Variants in DLC1 observed in about 807,000 individuals in gnomAD.
The protein encoded by DLC1 is DLC1 Rho GTPase activating protein, also known as rho GTPase-activating protein 7.
Under a neutral mutation model 140.3 loss-of-function variants are expected in DLC1, and 54 were observed. That is an observed-to-expected ratio of 0.38 (90% CI 0.31 to 0.48). The LOEUF (loss-of-function observed/expected upper bound fraction) is 0.48, where lower values mean the gene tolerates loss of function less well. DLC1 is among the 20% of genes least tolerant of loss of function. The probability of loss-of-function intolerance (pLI) is 0.96; values close to 1 mark genes in which losing one functional copy is unlikely to be tolerated. For missense variants in DLC1, 2,536 were observed against 1,907.0 expected (o/e 1.33, Z -6.14); for synonymous variants, 986 against 728.1 (o/e 1.35, Z -5.70).
chr8:13,295,979 G>C (rs1332235683), intron 5 of DLC1, among the ~76,000 whole-genome samples: 1 of 104,206 alleles, frequency 9.6e-6, no homozygotes, highest in Admixed American at 1.3e-4. Context: ...TGGAGACAGA[G>C]TCTCATTCTA....
intron 4 of DLC1, among the ~76,000 whole-genome samples, chr8:13,392,569 T>C (rs943390599): frequency 1.3e-5 from 2 of 152,182 alleles, no homozygotes; most frequent in Non-Finnish European, 2.9e-5. Context: ...TCCAAACTTG[T>C]TTCTTTGTGT....
chr8:13,421,722 C>A (rs570126492), intron 2 of DLC1, among the ~76,000 whole-genome samples: 1 of 152,216 alleles, frequency 6.6e-6, no homozygotes, highest in South Asian at 2.1e-4. Flanking sequence ...GGTTACTCAT[C>A]CTCCAATTCC....
In DLC1 at chr8:13,344,889, C is replaced by T. The variant is rs573496171; in HGVS notation, c.1315-39587G>A. Among the ~76,000 whole-genome samples, 5 of 152,218 alleles carry T rather than the reference C, an allele frequency of 3.3e-5. No homozygotes were observed. In the South Asian group the frequency reaches 6.2e-4, roughly 19 times the overall value. Reference sequence around the variant, plus strand: ...GGAAAACAAAAACTAATTGTGTGCACACTTTTAACCTAATAAGTTTAGTCA... The same window carrying T: ...GGAAAACAAAAACTAATTGTGTGCATACTTTTAACCTAATAAGTTTAGTCA... On this transcript the variant is annotated intron_variant, in intron 4 of 17. Transcript: ENST00000276297.
At chr8:13,192,643 T>C (rs1214076121) in intron 5 of DLC1, among the ~76,000 whole-genome samples, 1 of 152,188 alleles carries the variant, frequency 6.6e-6, no homozygotes, top group African/African-American at 2.4e-5. Context: ...TTTTGAAGTC[T>C]CAACTCCCAG....
At chr8:13,394,285 G>C (rs1472587650) in intron 3 of DLC1, among the ~76,000 whole-genome samples, 2 of 152,178 alleles carry the variant, frequency 1.3e-5, no homozygotes, top group East Asian at 3.8e-4. Context: ...GTTTGAAAAT[G>C]GGTATAATGA....
At chr8:13,469,668 G>C (rs974022640) in intron 2 of DLC1, among the ~76,000 whole-genome samples, 1 of 152,118 alleles carries the variant, frequency 6.6e-6, no homozygotes, top group Non-Finnish European at 1.5e-5. Flanking sequence ...TGAAGGTTAA[G>C]ATAAGCATAA....
chr8:13,335,654 G>T (rs1052853717), intron 4 of DLC1, among the ~76,000 whole-genome samples: 1 of 152,118 alleles, frequency 6.6e-6, no homozygotes, highest in African/African-American at 2.4e-5. Flanking sequence ...CATAAGAGTA[G>T]ATCTCCAAGA....
intron 5 of DLC1, among the ~76,000 whole-genome samples, chr8:13,163,493 G>A (rs112060636): frequency 1.4e-4 from 21 of 152,238 alleles, no homozygotes; most frequent in African/African-American, 5.1e-4. Context: ...ATGAATTTAG[G>A]CAGCTCAACG....
At chr8:13,380,961 C>T (rs1836226041) in intron 4 of DLC1, among the ~76,000 whole-genome samples, 1 of 152,074 alleles carries the variant, frequency 6.6e-6, no homozygotes, top group African/African-American at 2.4e-5. Context: ...CACACTTTGC[C>T]CTCTAGGGAA....
chr8:13,530,305 C>G (rs1803054161), intron 1 of DLC1, among the ~76,000 whole-genome samples: 1 of 152,096 alleles, frequency 6.6e-6, no homozygotes, highest in South Asian at 2.1e-4. Context: ...ACAGCCATTT[C>G]TTAAGGTAAA....
In DLC1 at chr8:13,499,588, T is replaced by C; in HGVS notation, c.484A>G (p.Asn162Asp). 6.2e-7 allele frequency: 1 copy of C among 1,614,194 alleles called. No individual in the cohort carries two copies. The change falls in exon 2 of 18, where the codon AAC becomes GAC. Residue 162 changes from asparagine (N) to aspartate (D), a missense_variant. By Grantham distance (23) the Asn-to-Asp change is conservative. Transcript: ENST00000276297. ...PIIQSNQVSS[N>D]SWGIAGETEL... ...GTTTCACCAGCTATTCCCCAGGAGT[T>C]AGAAGAAACTTGGTTACTTTGTATG...
chr8:13,360,222 G>A (rs754158998), intron 4 of DLC1, among the ~76,000 whole-genome samples: 4 of 144,154 alleles, frequency 2.8e-5, no homozygotes, highest in Admixed American at 1.4e-4. Flanking sequence ...ATAAGGTAAT[G>A]TACATAAAAC....
intron 2 of DLC1, among the ~76,000 whole-genome samples, chr8:13,470,262 C>T (rs1800146260): frequency 6.6e-6 from 1 of 152,068 alleles, no homozygotes; most frequent in Admixed American, 6.5e-5. Flanking sequence ...ATCTTTTAAG[C>T]ACAATGTACT....
At chr8:13,580,329 G>A (rs1029477725) in intron 1 of DLC1, among the ~76,000 whole-genome samples, 30 of 152,208 alleles carry the variant, frequency 2.0e-4, no homozygotes, top group African/African-American at 7.2e-4. Flanking sequence ...CGCCGTGTTA[G>A]CCAGGATGGC....
chr8:13,548,954 G>T (rs752758830), intron 1 of DLC1, among the ~76,000 whole-genome samples: 15 of 152,012 alleles, frequency 9.9e-5, no homozygotes, highest in African/African-American at 3.4e-4. Context: ...TCAGTGAAAG[G>T]ATTCTTCTCT....
At chr8:13,209,329 A>C (rs182666005) in intron 5 of DLC1, among the ~76,000 whole-genome samples, 6 of 152,220 alleles carry the variant, frequency 3.9e-5, no homozygotes, top group African/African-American at 1.4e-4. Context: ...TATAATTTTC[A>C]CTATATAAAC....
intron 5 of DLC1, among the ~76,000 whole-genome samples, chr8:13,131,457 C>A (rs1334139867): frequency 6.6e-6 from 1 of 152,148 alleles, no homozygotes; most frequent in Non-Finnish European, 1.5e-5. Flanking sequence ...TCTATGTCAC[C>A]AGTAATCGCC....
At chr8:13,181,518 G>C (rs908544111) in intron 5 of DLC1, among the ~76,000 whole-genome samples, 7 of 145,830 alleles carry the variant, frequency 4.8e-5, no homozygotes, top group Non-Finnish European at 9.0e-5. Flanking sequence ...CCCGGTGTGT[G>C]ATGTTTCCCA....
intron 5 of DLC1, among the ~76,000 whole-genome samples, chr8:13,121,440 G>C (rs922367008): frequency 6.6e-6 from 1 of 152,166 alleles, no homozygotes; most frequent in Non-Finnish European, 1.5e-5. Context: ...GGGTTCCAGA[G>C]GGCGTTCACT....
Sources: allele counts gnomAD v4.1 joint callset (sites outside exome capture counted in the v4.1 genomes callset), GRCh38; gene constraint gnomAD v4.1.1; transcripts MANE v1.5; gene names NCBI Gene and HGNC (gene_info 2026-07-23, HGNC 2026-07-21).